Variants in EHMT1 observed in about 807,000 individuals in gnomAD.
EHMT1 encodes histone-lysine N-methyltransferase EHMT1.
Under a neutral mutation model 147.2 loss-of-function variants are expected in EHMT1, and 15 were observed. That is an observed-to-expected ratio of 0.10 (90% confidence interval 0.07 to 0.16). EHMT1 has a LOEUF of 0.16. EHMT1 is among the 10% of genes least tolerant of loss of function. The probability of loss-of-function intolerance (pLI) is 1.00; values close to 1 mark genes in which losing one functional copy is unlikely to be tolerated. For synonymous variants in EHMT1, 795 were observed against 709.6 expected (o/e 1.12, Z -1.91); for missense variants, 1,587 against 1,772.4 (o/e 0.90, Z 1.88).
intron 25 of EHMT1, among the ~76,000 whole-genome samples, chr9:137,825,083 T>G (rs1215491906): frequency 6.6e-6 from 1 of 152,220 alleles, no homozygotes; most frequent in African/African-American, 2.4e-5. Context: ...CTTCCTTGGC[T>G]GCAGGATGAG....
intron 4 of EHMT1, among the ~76,000 whole-genome samples, chr9:137,740,183 C>A (rs1411079198): frequency 2.0e-5 from 3 of 152,216 alleles, no homozygotes; most frequent in South Asian, 2.1e-4. Context: ...CCACCCCCAC[C>A]CCACGCCCAT....
intron 4 of EHMT1, among the ~76,000 whole-genome samples, chr9:137,736,296 C>T (rs1195685205): frequency 6.6e-6 from 1 of 152,048 alleles, no homozygotes; most frequent in Non-Finnish European, 1.5e-5. Context: ...TTTACATACC[C>T]AACGAATGAT....
chr9:137,821,846 T>C (rs1404580492), intron 25 of EHMT1, among the ~76,000 whole-genome samples: 1 of 152,226 alleles, frequency 6.6e-6, no homozygotes, highest in Non-Finnish European at 1.5e-5. Context: ...TTACCCCCAG[T>C]AATATTTTAT....
intron 1 of EHMT1, among the ~76,000 whole-genome samples, chr9:137,640,440 C>T (rs1039554035): frequency 6.6e-6 from 1 of 152,124 alleles, no homozygotes; most frequent in African/African-American, 2.4e-5. Flanking sequence ...CTATGTCCAG[C>T]TAATTTTTAA....
At chr9:137,682,890 G>T (rs1942092572) in intron 1 of EHMT1, among the ~76,000 whole-genome samples, 2 of 152,340 alleles carry the variant, frequency 1.3e-5, no homozygotes, top group Admixed American at 6.5e-5. Context: ...CTGCGAACAG[G>T]TGCGCTGCCT....
chr9:137,706,755 G>A (rs1944302604), intron 1 of EHMT1, among the ~76,000 whole-genome samples: 1 of 151,934 alleles, frequency 6.6e-6, no homozygotes, highest in Non-Finnish European at 1.5e-5. Flanking sequence ...CCAAAGTGCT[G>A]GGATTGCAAG....
chr9:137,818,453 C>A (rs1325625428), intron 25 of EHMT1, among the ~76,000 whole-genome samples: 1 of 142,978 alleles, frequency 7.0e-6, no homozygotes, highest in African/African-American at 2.5e-5. Context: ...GGCTTGGCAA[C>A]CCCTGAGACT....
At position 137,787,748 on chromosome 9, in the gene EHMT1, T is replaced by C; in HGVS notation, c.2383-3100T>C. ...TGCCACCGAAACATCGTAGATGCTTTTGTTGGGTGACACACCCTGGAAGAG... is the reference window on the plus strand; with the variant it reads ...TGCCACCGAAACATCGTAGATGCTTCTGTTGGGTGACACACCCTGGAAGAG... On this transcript the variant is annotated intron_variant, in intron 15 of 26. Coordinates refer to ENST00000460843, the MANE Select transcript of EHMT1 (RefSeq NM_024757.5). This position sits in a 1 kb window ranked among gnomAD's most constrained non-coding sequence, Gnocchi z 4.2. 1.3e-6 allele frequency: 1 copy of C among 784,750 alleles called. No homozygotes were observed. The highest frequency in any genetic ancestry group is 2.2e-6 in the Non-Finnish European group (1 of 445,608). 48.6% of individuals were successfully genotyped at this position (784,750 alleles called of 1,614,324 possible).
chr9:137,683,650 A>G (rs545678206), intron 1 of EHMT1, among the ~76,000 whole-genome samples: 13 of 152,296 alleles, frequency 8.5e-5, no homozygotes, highest in African/African-American at 3.1e-4. Context: ...TATGTGTAGT[A>G]TCTCATTTAT....
chr9:137,804,692 G>A (rs1008732747), intron 18 of EHMT1, among the ~76,000 whole-genome samples: 6 of 152,182 alleles, frequency 3.9e-5, no homozygotes, highest in East Asian at 3.9e-4. Context: ...TTTCTTATAC[G>A]AGTTTTATGG....
At chr9:137,773,321 T>C (rs1950713465) in intron 10 of EHMT1, among the ~76,000 whole-genome samples, 1 of 150,094 alleles carries the variant, frequency 6.7e-6, no homozygotes, top group Admixed American at 6.6e-5. Flanking sequence ...GTGGTGGTGG[T>C]GTGGAGGGGG....
At chr9:137,834,287 C>T in intron 25 of EHMT1, 62 bp from the exon 26 acceptor site, 4 of 1,600,552 alleles carry the variant, frequency 2.5e-6, no homozygotes, top group Non-Finnish European at 3.4e-6. Context: ...TGGCCGTACC[C>T]GGCGAGGCCG....
At chr9:137,628,504 A>G (rs1354144679) in intron 1 of EHMT1, among the ~76,000 whole-genome samples, 1 of 152,212 alleles carries the variant, frequency 6.6e-6, no homozygotes, top group Non-Finnish European at 1.5e-5. Flanking sequence ...GCCGATCTCC[A>G]ACTGGGCTCA....
chr9:137,660,577 T>C (rs1414904885), intron 1 of EHMT1, among the ~76,000 whole-genome samples: 1 of 152,220 alleles, frequency 6.6e-6, no homozygotes, highest in Non-Finnish European at 1.5e-5. Context: ...TCTAGAATCA[T>C]AAAATTTCAT....
intron 6 of EHMT1, among the ~76,000 whole-genome samples, chr9:137,745,046 G>A (rs1243317986): frequency 2.6e-5 from 4 of 152,230 alleles, no homozygotes; most frequent in African/African-American, 9.6e-5. Context: ...TTTATTGTTC[G>A]AGTGTGTCCA....
At chr9:137,752,449 AG>A (rs780631623) in intron 7 of EHMT1, 41 bp downstream of exon 7, 2 of 1,601,138 alleles carry the variant, frequency 1.2e-6, no homozygotes, top group South Asian at 2.2e-5. Context: ...GCTGATGTAG[AG>A]GAGATGCAAA....
chr9:137,716,609 C>T lies in EHMT1; in HGVS notation c.86-17C>T, dbSNP rs748450287. 1.2e-5 allele frequency: 19 copies of T among 1,542,618 alleles called. No individual in the cohort carries two copies. The highest frequency in any genetic ancestry group is 1.2e-4 in the Admixed American group (6 of 52,004). On this transcript the variant is annotated splice_polypyrimidine_tract_variant and intron_variant, in intron 2 of 26. Coordinates refer to ENST00000460843, the MANE Select transcript of EHMT1 (RefSeq NM_024757.5). ...AGCGTGGCCTGCAGTCAGTGACACT[C>T]GTTTCTTTGTTGGCAGAGACACCTA...
rs745823672 is a variant in EHMT1 at position 137,621,909 on chromosome 9, T to TA, written c.21+2870dup. 3.8e-3 allele frequency among the ~76,000 whole-genome samples: 562 copies of TA among 147,440 alleles called. 2 individuals are homozygous for TA. Among genetic ancestry groups the TA allele is most frequent in the Non-Finnish European group, 5.9e-3 (393 of 66,454 alleles). ...TTTAAAAAATCAGTGCTAAAACCCTTAAAAAAAAAAGCTGTTCTCATCTCC... is the reference window on the plus strand; with the variant it reads ...TTTAAAAAATCAGTGCTAAAACCCTTAAAAAAAAAAAGCTGTTCTCATCTCC... On this transcript the variant is annotated intron_variant, in intron 1 of 26. Coordinates refer to ENST00000460843, the MANE Select transcript of EHMT1 (RefSeq NM_024757.5).
intron 1 of EHMT1, among the ~76,000 whole-genome samples, chr9:137,695,457 C>T (rs1943325268): frequency 6.6e-6 from 1 of 152,248 alleles, no homozygotes; most frequent in Non-Finnish European, 1.5e-5. Context: ...CCAGGGACTG[C>T]ACTGCCCTGA....
Sources: allele counts gnomAD v4.1 joint callset (sites outside exome capture counted in the v4.1 genomes callset), GRCh38; gene constraint gnomAD v4.1.1; non-coding constraint Gnocchi (gnomAD v3.1); transcripts MANE v1.5; gene names NCBI Gene and HGNC (gene_info 2026-07-23, HGNC 2026-07-21).